The following LSAMP variants were observed in gnomAD, a reference collection of about 807,000 sequenced individuals.
LSAMP encodes limbic system associated membrane protein.
Under a neutral mutation model 38.6 loss-of-function variants are expected in LSAMP, and 7 were observed. That is an observed-to-expected ratio of 0.18 (90% CI 0.10 to 0.34). The LOEUF (loss-of-function observed/expected upper bound fraction) is 0.34, where lower values mean the gene tolerates loss of function less well. LSAMP is among the 10% of genes least tolerant of loss of function. LSAMP has a pLI of 1.00. For missense variants in LSAMP, 313 were observed against 420.0 expected (o/e 0.75, Z 2.23); for synonymous variants, 154 against 166.8 (o/e 0.92, Z 0.59).
At chr3:115,895,897 T>A (rs1446433166) in intron 3 of LSAMP, among the ~76,000 whole-genome samples, 1 of 151,588 alleles carries the variant, frequency 6.6e-6, no homozygotes, top group African/African-American at 2.4e-5. Flanking sequence ...ACACATATAT[T>A]CTTGCCATTT....
intron 1 of LSAMP, among the ~76,000 whole-genome samples, chr3:116,443,305 C>T (rs2049461981): frequency 6.6e-6 from 1 of 152,186 alleles, no homozygotes; most frequent in African/African-American, 2.4e-5. Context: ...GGATAAATCA[C>T]ACATGCAGGT....
intron 1 of LSAMP, among the ~76,000 whole-genome samples, chr3:116,369,089 G>A (rs183885268): frequency 6.6e-6 from 1 of 151,712 alleles, no homozygotes. Flanking sequence ...ATTGTATTAT[G>A]TTTATTGAAG....
chr3:115,884,221 A>G (rs1315501983), intron 3 of LSAMP, among the ~76,000 whole-genome samples: 2 of 152,084 alleles, frequency 1.3e-5, no homozygotes, highest in Non-Finnish European at 2.9e-5. Context: ...TAATCTTCAT[A>G]ATACATAAAG....
At chr3:116,050,081 G>T (rs1941365840) in intron 2 of LSAMP, among the ~76,000 whole-genome samples, 2 of 152,050 alleles carry the variant, frequency 1.3e-5, no homozygotes, top group South Asian at 4.2e-4. Flanking sequence ...GCTTCCAATT[G>T]GGATCAATCA....
intron 3 of LSAMP, among the ~76,000 whole-genome samples, chr3:115,886,480 A>C (rs1267050538): frequency 6.6e-6 from 1 of 152,012 alleles, no homozygotes. Flanking sequence ...TATTTAGTTG[A>C]AAGAATCTAC....
intron 3 of LSAMP, among the ~76,000 whole-genome samples, chr3:115,972,479 A>T (rs1369065576): frequency 6.6e-6 from 1 of 151,796 alleles, no homozygotes; most frequent in Non-Finnish European, 1.5e-5. Context: ...TAAAATATTT[A>T]AAATTTTTAA....
At chr3:115,870,843 A>G (rs142293923) in intron 3 of LSAMP, among the ~76,000 whole-genome samples, 55 of 152,296 alleles carry the variant, frequency 3.6e-4, no homozygotes, top group African/African-American at 1.3e-3. Flanking sequence ...AAAGTTTAGA[A>G]TCAGACTAAC....
intron 1 of LSAMP, among the ~76,000 whole-genome samples, chr3:116,212,274 T>G (rs1164485233): frequency 6.6e-6 from 1 of 152,150 alleles, no homozygotes; most frequent in Non-Finnish European, 1.5e-5. Flanking sequence ...GATTCAGGAG[T>G]AATAAATTAC....
At chr3:116,305,251 C>T (rs1216470109) in intron 1 of LSAMP, among the ~76,000 whole-genome samples, 1 of 152,008 alleles carries the variant, frequency 6.6e-6, no homozygotes, top group African/African-American at 2.4e-5. Flanking sequence ...ATTTTAAGAT[C>T]AGCTAATTTA....
chr3:115,810,403 C>A lies in LSAMP; in HGVS notation c.931G>T (p.Val311Leu). 4.3e-6 allele frequency: 7 copies of A among 1,612,790 alleles called. No individual in the cohort carries two copies. The highest frequency in any genetic ancestry group is 1.3e-5 in the African/African-American group (1 of 75,016). The change falls in exon 7 of 7, where the codon GTG becomes TTG. Residue 311 changes from valine to leucine, a missense_variant. Val to Leu is a conservative substitution (Grantham distance 32, BLOSUM62 1). Transcript: ENST00000490035. Reference protein sequence around the residue: ...ASLVLFRPGSVRGINGSISLA... With the variant: ...ASLVLFRPGSLRGINGSISLA... The stretch of plus-strand genomic sequence containing the variant: ...CTGATGGATCCATTTATTCCTCTCA[C>A]CGACCCAGGTCCTGCAGAGCAAAAG...
intron 3 of LSAMP, among the ~76,000 whole-genome samples, chr3:115,898,565 C>A (rs544258630): frequency 2.7e-5 from 4 of 150,076 alleles, no homozygotes; most frequent in Admixed American, 6.7e-5. Context: ...CACTTTAGTA[C>A]CAATATATGA....
At chr3:116,186,392 T>A (rs16845189) in intron 1 of LSAMP, among the ~76,000 whole-genome samples, 3,573 of 152,200 alleles carry the variant, frequency 0.023, 139 homozygotes, top group African/African-American at 0.08. Context: ...TTGATCTCTA[T>A]CTTGAGTGAT....
At chr3:115,832,807 A>G (rs917481269) in intron 6 of LSAMP, among the ~76,000 whole-genome samples, 2 of 152,208 alleles carry the variant, frequency 1.3e-5, no homozygotes, top group Non-Finnish European at 2.9e-5. Context: ...TCTACCTACA[A>G]TGTAAAATCA....
intron 2 of LSAMP, among the ~76,000 whole-genome samples, chr3:116,049,603 G>A (rs1159276050): frequency 6.6e-6 from 1 of 152,056 alleles, no homozygotes; most frequent in Non-Finnish European, 1.5e-5. Context: ...ATTTTGTTTT[G>A]AATGGATATA....
chr3:116,192,082 G>A (rs1374790051), intron 1 of LSAMP, among the ~76,000 whole-genome samples: 1 of 152,128 alleles, frequency 6.6e-6, no homozygotes, highest in East Asian at 1.9e-4. Flanking sequence ...TTCTATTACA[G>A]CAATGTATTA....
chr3:116,221,150 CAAAAAAAA>C lies in LSAMP; in HGVS notation c.156-134602_156-134595del, dbSNP rs71141862. ...TGTGTGACAGAGCGAGACTCTGTCT[CAAAAAAAA>C]AAAAAAAAAAAAGGAAAGGGGCAGC... On this transcript the variant is annotated intron_variant, in intron 1 of 6. Transcript: ENST00000490035. Among the ~76,000 whole-genome samples the C allele has an allele frequency of 9.4e-5, 5 of 53,184 alleles. No homozygotes were observed. The Admixed American group carries it at 1.4e-3, about 15-fold the overall frequency. 34.9% of individuals were successfully genotyped at this position (53,184 alleles called of 152,430 possible). A position where few individuals can be genotyped will look rare whatever the true frequency, so the allele number is the denominator to read the frequency against.
chr3:116,219,890 A>G (rs1456081735), intron 1 of LSAMP, among the ~76,000 whole-genome samples: 1 of 152,210 alleles, frequency 6.6e-6, no homozygotes, highest in East Asian at 1.9e-4. Context: ...CAAAATCACA[A>G]TGAGCCGGGG....
intron 1 of LSAMP, among the ~76,000 whole-genome samples, chr3:116,095,167 T>C (rs963549139): frequency 1.3e-5 from 2 of 152,220 alleles, no homozygotes; most frequent in African/African-American, 4.8e-5. Context: ...GCTCAACTTT[T>C]ATTAGTTATT....
At chr3:116,381,992 T>G (rs983296605) in intron 1 of LSAMP, among the ~76,000 whole-genome samples, 3 of 152,014 alleles carry the variant, frequency 2.0e-5, no homozygotes, top group African/African-American at 7.3e-5. Context: ...TTGAAAAGGG[T>G]TGCAAAACAT....
Sources: allele counts gnomAD v4.1 joint callset (sites outside exome capture counted in the v4.1 genomes callset), GRCh38; gene constraint gnomAD v4.1.1; transcripts MANE v1.5; gene names NCBI Gene and HGNC (gene_info 2026-07-23, HGNC 2026-07-21).